The following NRXN1 variants were observed in gnomAD, a reference collection of about 807,000 sequenced individuals.
NRXN1 encodes the protein neurexin-1.
A neutral mutation model predicts 150.9 loss-of-function variants in NRXN1; 39 were observed. The ratio of observed to expected loss-of-function variants is 0.26; its 90% CI spans 0.20 to 0.34. The LOEUF is 0.34. Ranked by LOEUF, NRXN1 falls within the 10% of genes least tolerant of loss-of-function variation. The pLI is 1.00. For synonymous variants in NRXN1, 924 were observed against 757.0 expected (o/e 1.22, Z -3.62); for missense variants, 1,815 against 1,949.9 (o/e 0.93, Z 1.30).
chr2:51,020,427 C>A (rs984241641), intron 2 of NRXN1, among the ~76,000 whole-genome samples: 5 of 151,860 alleles, frequency 3.3e-5, no homozygotes, highest in Non-Finnish European at 7.4e-5. Flanking sequence ...AGAACTCTAC[C>A]AAATCTGATG....
At chr2:50,111,616 G>A (rs1702388471) in intron 18 of NRXN1, among the ~76,000 whole-genome samples, 1 of 151,676 alleles carries the variant, frequency 6.6e-6, no homozygotes, top group Non-Finnish European at 1.5e-5. Flanking sequence ...TCCAGCCTGG[G>A]TGACAGAGTG....
At chr2:50,584,712 T>A (rs1243064595) in intron 8 of NRXN1, among the ~76,000 whole-genome samples, 1 of 152,186 alleles carries the variant, frequency 6.6e-6, no homozygotes, top group African/African-American at 2.4e-5. Flanking sequence ...GGTCTTGGAA[T>A]GTTCAAGGTC....
At chr2:49,947,768 C>G (rs1673212756) in intron 21 of NRXN1, among the ~76,000 whole-genome samples, 2 of 151,906 alleles carry the variant, frequency 1.3e-5, no homozygotes, top group Admixed American at 1.3e-4. Context: ...CATTTAAAAA[C>G]AGTTCTGTCT....
At chr2:51,025,819 C>T (rs1670353991) in intron 2 of NRXN1, among the ~76,000 whole-genome samples, 1 of 152,098 alleles carries the variant, frequency 6.6e-6, no homozygotes, top group Non-Finnish European at 1.5e-5. Context: ...GCTCTCATAA[C>T]CATAGAAATG....
chr2:50,426,843 A>T (rs1480125743), intron 17 of NRXN1, among the ~76,000 whole-genome samples: 1 of 152,156 alleles, frequency 6.6e-6, no homozygotes, highest in Non-Finnish European at 1.5e-5. Context: ...CAAAATATAC[A>T]TTCTCTCTGC....
At chr2:49,980,070 AAAAT>A (rs1408095855) in intron 21 of NRXN1, among the ~76,000 whole-genome samples, 1 of 152,134 alleles carries the variant, frequency 6.6e-6, no homozygotes, top group African/African-American at 2.4e-5. Context: ...GCTAATGTTA[AAAAT>A]AAAGAAATTG....
At chr2:50,169,376 T>A (rs2059883553) in intron 18 of NRXN1, among the ~76,000 whole-genome samples, 1 of 152,090 alleles carries the variant, frequency 6.6e-6, no homozygotes, top group Non-Finnish European at 1.5e-5. Context: ...GTTTCTTGGG[T>A]AAGTTTATTT....
chr2:50,844,892 T>G (rs1673409819), intron 5 of NRXN1, among the ~76,000 whole-genome samples: 1 of 152,066 alleles, frequency 6.6e-6, no homozygotes, highest in South Asian at 2.1e-4. Context: ...CTTATTCTGT[T>G]GTTCAGGCTG....
At chr2:49,942,406 G>A (rs192347858) in intron 22 of NRXN1, among the ~76,000 whole-genome samples, 6 of 152,128 alleles carry the variant, frequency 3.9e-5, no homozygotes, top group African/African-American at 7.2e-5. Context: ...CGAGATGCAC[G>A]ACATACATCC....
intron 17 of NRXN1, among the ~76,000 whole-genome samples, chr2:50,449,430 C>T (rs1390245956): frequency 6.6e-6 from 1 of 152,208 alleles, no homozygotes; most frequent in Non-Finnish European, 1.5e-5. Context: ...GTCACTCCTT[C>T]CTCTGCCCTT....
intron 5 of NRXN1, among the ~76,000 whole-genome samples, chr2:50,644,167 CTT>C (rs1684466407): frequency 6.6e-6 from 1 of 151,086 alleles, no homozygotes; most frequent in Non-Finnish European, 1.5e-5. Flanking sequence ...AAAAAAAAAA[CTT>C]AATGATTTAA....
chr2:50,179,321 A>C (rs1051041299), intron 18 of NRXN1, among the ~76,000 whole-genome samples: 1 of 152,088 alleles, frequency 6.6e-6, no homozygotes, highest in Non-Finnish European at 1.5e-5. Context: ...TTCTGGGACC[A>C]CCTAAAGTGA....
In NRXN1 at chr2:50,685,715, G is replaced by A. The variant is rs545231298; in HGVS notation, c.833-62100C>T. Among the ~76,000 whole-genome samples the A allele has an allele frequency of 3.7e-4, 56 of 152,042 alleles. 1 individual carries two copies. In the South Asian group the frequency reaches 0.011, roughly 30 times the overall value. On this transcript the variant is annotated intron_variant, in intron 5 of 22. Coordinates refer to ENST00000401669, the MANE Select transcript of NRXN1 (RefSeq NM_001330078.2). ...AATTTGTCTAATTTTGTTTCATCCT[G>A]TCAGTATCGTATTGAAAATACTAAC...
intron 2 of NRXN1, among the ~76,000 whole-genome samples, chr2:50,932,394 A>AG (rs763007607): frequency 2.0e-5 from 3 of 152,026 alleles, no homozygotes; most frequent in Non-Finnish European, 2.9e-5. Context: ...CCTATGTATT[A>AG]GGTCAATCTC....
chr2:50,406,192 A>G (rs2082738484), intron 17 of NRXN1, among the ~76,000 whole-genome samples: 1 of 152,136 alleles, frequency 6.6e-6, no homozygotes, highest in African/African-American at 2.4e-5. Flanking sequence ...ATAAGTCTTT[A>G]AATAATGGTT....
rs2152626533 is a variant in NRXN1 at position 50,053,429 on chromosome 2, C to T, written c.3970G>A (p.Val1324Met). The T allele has an allele frequency of 6.2e-7, 1 of 1,614,038 alleles. No homozygotes were observed. The highest frequency in any genetic ancestry group is 2.2e-5 in the East Asian group (1 of 44,870). The change falls in exon 21 of 23, where the codon GTG becomes ATG. Residue 1324 changes from valine to methionine, a missense_variant. By Grantham distance (21) the Val-to-Met change is conservative (BLOSUM62 1). Coordinates refer to ENST00000401669, the MANE Select transcript of NRXN1 (RefSeq NM_001330078.2). ...GAAGGCACTTCACCAACCAGTCTCA[C>T]ATTTCCCACTATGGCGATGTTGGCA... ...NDANIAIVGN[V>M]RLVGEVPSSM...
At chr2:50,375,242 C>A (rs1033483782) in intron 17 of NRXN1, among the ~76,000 whole-genome samples, 12 of 151,840 alleles carry the variant, frequency 7.9e-5, no homozygotes, top group Non-Finnish European at 1.3e-4. Context: ...ATTATTCATA[C>A]CAGGCTTAGC....
intron 5 of NRXN1, among the ~76,000 whole-genome samples, chr2:50,889,166 T>C (rs1680692053): frequency 2.0e-5 from 3 of 151,576 alleles, no homozygotes; most frequent in African/African-American, 7.2e-5. Flanking sequence ...TTGTAAACTA[T>C]GAGTCTTCTT....
intron 21 of NRXN1, among the ~76,000 whole-genome samples, chr2:49,964,797 T>C (rs1008729079): frequency 6.6e-6 from 1 of 152,042 alleles, no homozygotes. Context: ...ACCAAGATTG[T>C]GCCATTGCAC....
Sources: allele counts gnomAD v4.1 joint callset (sites outside exome capture counted in the v4.1 genomes callset), GRCh38; gene constraint gnomAD v4.1.1; transcripts MANE v1.5; gene names NCBI Gene and HGNC (gene_info 2026-07-23, HGNC 2026-07-21).